KIF13B: variants seen among roughly 807,000 people sequenced by gnomAD.
KIF13B encodes kinesin-like protein KIF13B.
A neutral mutation model predicts 222.0 loss-of-function variants in KIF13B; 127 were observed. The ratio of observed to expected loss-of-function variants is 0.57; its 90% CI spans 0.50 to 0.66. The LOEUF (loss-of-function observed/expected upper bound fraction) is 0.66. Among genes scored for constraint, KIF13B ranks in the 30% least tolerant of loss-of-function variants. The pLI is 0.00. For synonymous variants in KIF13B, 976 were observed against 919.0 expected (o/e 1.06, Z -1.12); for missense variants, 2,173 against 2,379.0 (o/e 0.91, Z 1.80).
At chr8:29,245,111 T>C (rs1255823895) in intron 2 of KIF13B, among the ~76,000 whole-genome samples, 3 of 152,208 alleles carry the variant, frequency 2.0e-5, no homozygotes, top group Non-Finnish European at 4.4e-5. Flanking sequence ...AACATAACAC[T>C]CAGTCTCTTC....
intron 2 of KIF13B, among the ~76,000 whole-genome samples, chr8:29,229,583 T>G (rs1395950632): frequency 6.6e-6 from 1 of 152,252 alleles, no homozygotes; most frequent in Non-Finnish European, 1.5e-5. Context: ...ATTCACTTCT[T>G]GTATTTCCAA....
intron 13 of KIF13B, among the ~76,000 whole-genome samples, chr8:29,160,479 T>A (rs557405472): frequency 3.9e-5 from 6 of 152,202 alleles, no homozygotes; most frequent in Non-Finnish European, 8.8e-5. Context: ...CTTAATTCCC[T>A]GATACAAATC....
intron 2 of KIF13B, among the ~76,000 whole-genome samples, chr8:29,221,895 C>T (rs1265913809): frequency 2.0e-5 from 3 of 152,044 alleles, no homozygotes; most frequent in Non-Finnish European, 4.4e-5. Context: ...TATTCACTAT[C>T]GATACTTTAT....
chr8:29,132,490 A>C, intron 22 of KIF13B, 25 bp from the exon 23 acceptor site: 1 of 1,414,742 alleles, frequency 7.1e-7, no homozygotes, highest in Non-Finnish European at 9.4e-7. Flanking sequence ...CTAATTACAG[A>C]AGAGCAAACT....
intron 14 of KIF13B, among the ~76,000 whole-genome samples, chr8:29,154,537 G>A (rs947492184): frequency 6.6e-6 from 1 of 152,174 alleles, no homozygotes. Flanking sequence ...GGGAGTAATC[G>A]TATGAATGGG....
At chr8:29,253,210 T>G (rs2130682715) in intron 1 of KIF13B, among the ~76,000 whole-genome samples, 1 of 152,040 alleles carries the variant, frequency 6.6e-6, no homozygotes, top group South Asian at 2.1e-4. Flanking sequence ...CCAGGTGTAG[T>G]GGCATGCACC....
intron 2 of KIF13B, among the ~76,000 whole-genome samples, chr8:29,208,086 A>C (rs893836440): frequency 6.6e-6 from 1 of 152,202 alleles, no homozygotes; most frequent in Admixed American, 6.5e-5. Flanking sequence ...CATCATGAAA[A>C]GGATGCTAAG....
At chr8:29,139,363 T>C (rs1373800883) in intron 21 of KIF13B, among the ~76,000 whole-genome samples, 1 of 152,120 alleles carries the variant, frequency 6.6e-6, no homozygotes, top group Non-Finnish European at 1.5e-5. Flanking sequence ...AATGGGCCAT[T>C]GTGGGGTCAT....
intron 1 of KIF13B, among the ~76,000 whole-genome samples, chr8:29,256,448 C>A (rs1203988198): frequency 6.6e-6 from 1 of 152,164 alleles, no homozygotes; most frequent in Non-Finnish European, 1.5e-5. Flanking sequence ...AATTCCACCC[C>A]CATTTCTTTA....
intron 31 of KIF13B, 147 bp downstream of exon 31, chr8:29,116,683 TG>T (rs1314840163): frequency 3.4e-6 from 2 of 581,118 alleles, no homozygotes; most frequent in Non-Finnish European, 5.8e-6. Flanking sequence ...GAAGCAAGCA[TG>T]GGTACAGGAC....
chr8:29,205,448 C>T (rs1813888148), intron 2 of KIF13B, among the ~76,000 whole-genome samples: 2 of 152,048 alleles, frequency 1.3e-5, no homozygotes. Flanking sequence ...GTTTTCTTTT[C>T]TTCAGACTTG....
At chr8:29,144,756 T>C (rs543144224) in intron 18 of KIF13B, among the ~76,000 whole-genome samples, 1 of 152,162 alleles carries the variant, frequency 6.6e-6, no homozygotes, top group Non-Finnish European at 1.5e-5. Context: ...AAGAAAAAAA[T>C]TCACCAGAGA....
chr8:29,122,680 G>A, intron 28 of KIF13B, 34 bp from the exon 29 acceptor site: 1 of 1,573,276 alleles, frequency 6.4e-7, no homozygotes, highest in Non-Finnish European at 8.7e-7. Context: ...ATCTGCCTCA[G>A]GTTACTTTCT....
chr8:29,193,146 C>T (rs545489976), intron 3 of KIF13B, among the ~76,000 whole-genome samples: 4 of 152,266 alleles, frequency 2.6e-5, no homozygotes, highest in East Asian at 1.9e-4. Flanking sequence ...GAGAAGGAAG[C>T]GAGGCCAGGA....
chr8:29,101,727 C>T (rs575762920), intron 35 of KIF13B, among the ~76,000 whole-genome samples: 1 of 152,176 alleles, frequency 6.6e-6, no homozygotes, highest in Non-Finnish European at 1.5e-5. Flanking sequence ...TCACATGCTC[C>T]CCCCGCAACC....
intron 2 of KIF13B, among the ~76,000 whole-genome samples, chr8:29,221,676 G>A (rs1490090720): frequency 6.6e-6 from 1 of 152,026 alleles, no homozygotes; most frequent in Non-Finnish European, 1.5e-5. Context: ...ATTATTGCTC[G>A]TGTGCCCCAA....
At position 29,146,547 on chromosome 8, in the gene KIF13B, A is replaced by G. The variant is rs956476321; in HGVS notation, c.2025-7T>C. The stretch of plus-strand genomic sequence containing the variant: ...GTTATTCAACGTTGCTTCTCTAAAA[A>G]AAAATAAAGAAGCGGCAGAGGTAGG... On this transcript the variant is annotated splice_region_variant and splice_polypyrimidine_tract_variant and intron_variant, in intron 17 of 39. Coordinates refer to ENST00000524189, the MANE Select transcript of KIF13B (RefSeq NM_015254.4). The G allele has an allele frequency of 6.2e-7, 1 of 1,611,506 alleles. No individual in the cohort carries two copies.
intron 2 of KIF13B, among the ~76,000 whole-genome samples, chr8:29,241,282 G>A (rs1206661812): frequency 6.6e-6 from 1 of 152,124 alleles, no homozygotes; most frequent in African/African-American, 2.4e-5. Context: ...TAATTAACAT[G>A]GTGATAAAAA....
At chr8:29,146,298 G>C (rs1356508641) in intron 18 of KIF13B, 80 bp downstream of exon 18, 1 of 1,459,168 alleles carries the variant, frequency 6.9e-7, no homozygotes, top group South Asian at 1.1e-5. Context: ...ACAGGGATCT[G>C]AAGCTTAAAT....
Sources: allele counts gnomAD v4.1 joint callset (sites outside exome capture counted in the v4.1 genomes callset), GRCh38; gene constraint gnomAD v4.1.1; transcripts MANE v1.5; gene names NCBI Gene and HGNC (gene_info 2026-07-23, HGNC 2026-07-21).